Variants in GALNT9 observed in about 807,000 individuals in gnomAD.
GALNT9 encodes GalNAc transferase 9.
In GALNT9, 47 loss-of-function variants were observed where a neutral mutation model predicts 63.1. The ratio of observed to expected loss-of-function variants is 0.75; its 90% CI spans 0.59 to 0.95. GALNT9 has a LOEUF of 0.95. Among genes scored for constraint, GALNT9 ranks in the 40% least tolerant of loss-of-function variants. GALNT9 has a pLI of 0.00. For missense variants in GALNT9, 829 were observed against 874.8 expected (o/e 0.95, Z 0.66); for synonymous variants, 396 against 365.7 (o/e 1.08, Z -0.94).
intron 6 of GALNT9, among the ~76,000 whole-genome samples, chr12:132,204,026 C>T (rs377222678): frequency 4.4e-4 from 67 of 152,072 alleles, no homozygotes; most frequent in African/African-American, 1.4e-3. Flanking sequence ...TTGTTCTGTG[C>T]AGGGAACCCC....
rs1881060882 is a variant in GALNT9, at chr12:132,296,049, CCTCTGAACAGGGAGAGG to C, written c.239-9636_239-9620del. Among the ~76,000 whole-genome samples the C allele has an allele frequency of 1.4e-5, 2 of 144,128 alleles. No homozygotes were observed. The highest frequency in any genetic ancestry group is 3.0e-5 in the Non-Finnish European group (2 of 65,652). The allele number at this position is 144,128 out of a possible 152,430, so 94.6% of individuals were successfully genotyped here. A position where few individuals can be genotyped will look rare whatever the true frequency, so the allele number is the denominator to read the frequency against. On this transcript the variant is annotated intron_variant, in intron 1 of 10. Coordinates refer to ENST00000328957, the MANE Select transcript of GALNT9 (RefSeq NM_001122636.2). This position sits in a 1 kb window ranked among gnomAD's most constrained non-coding sequence, Gnocchi z 4.2. ...GGGAGAGCCTCCAGAACAGGGAGAG[CCTCTGAACAGGGAGAGG>C]CTCCGGAACAGGGAGAGCCTCCGAA...
At position 132,199,250 on chromosome 12, in the gene GALNT9, C is replaced by CT; in HGVS notation, c.1420dup (p.Ser474LysfsTer33). 1 of 1,604,704 alleles carries CT rather than the reference C, an allele frequency of 6.2e-7. No individual in the cohort carries two copies. The highest frequency in any genetic ancestry group is 8.5e-7 in the Non-Finnish European group (1 of 1,179,232). ...CGCTCCCTGGTCCAGACAGTAGGCA[C>CT]TGGCTTTGCTGTTTCTCACCTGCAA... On this transcript the variant is annotated frameshift_variant, in exon 9 of 11. Coordinates refer to ENST00000328957, the MANE Select transcript of GALNT9 (RefSeq NM_001122636.2). LOFTEE classifies it high-confidence loss of function.
At chr12:132,206,911 CAA>C (rs983426804) in intron 6 of GALNT9, among the ~76,000 whole-genome samples, 40 of 152,104 alleles carry the variant, frequency 2.6e-4, no homozygotes, top group African/African-American at 9.6e-4. Flanking sequence ...CAGAAAAAAA[CAA>C]AATTAGCCAG....
intron 1 of GALNT9, among the ~76,000 whole-genome samples, chr12:132,292,462 G>C (rs145204196): frequency 4.0e-4 from 61 of 152,330 alleles, no homozygotes; most frequent in Non-Finnish European, 7.6e-4. Flanking sequence ...TGCTGGGCCG[G>C]ACCCGAGTCT....
intron 6 of GALNT9, among the ~76,000 whole-genome samples, chr12:132,225,428 AC>A (rs1277371473): frequency 5.1e-5 from 7 of 137,900 alleles, no homozygotes; most frequent in Non-Finnish European, 1.1e-4. Context: ...CACTATATAC[AC>A]CCCCCACACA....
chr12:132,286,188 A>C lies in GALNT9; in HGVS notation c.419+62T>G. 1 of 1,389,936 alleles carries C rather than the reference A, an allele frequency of 7.2e-7. No individual in the cohort carries two copies. The highest frequency in any genetic ancestry group is 9.5e-7 in the Non-Finnish European group (1 of 1,056,824). The allele number at this position is 1,389,936 out of a possible 1,614,324, so 86.1% of individuals were successfully genotyped here. A position where few individuals can be genotyped will look rare whatever the true frequency, so the allele number is the denominator to read the frequency against. ...GTGGGGGGCAGTCACTTCCCTGGCC[A>C]GTGTGGGGGGCGGTCACTTCCTCGG... On this transcript the variant is annotated intron_variant, in intron 2 of 10. Coordinates refer to ENST00000328957, the MANE Select transcript of GALNT9 (RefSeq NM_001122636.2). The surrounding 1 kb of genome is among the most constrained non-coding windows in gnomAD (Gnocchi z 7.4).
At chr12:132,248,995 G>A (rs1422817532) in intron 5 of GALNT9, among the ~76,000 whole-genome samples, 1 of 152,192 alleles carries the variant, frequency 6.6e-6, no homozygotes, top group Non-Finnish European at 1.5e-5. Context: ...TGCCATTGTG[G>A]GCCACGCGAC....
intron 6 of GALNT9, among the ~76,000 whole-genome samples, chr12:132,207,575 C>T (rs770709754): frequency 2.0e-4 from 30 of 152,138 alleles, no homozygotes; most frequent in South Asian, 8.3e-4. Flanking sequence ...TCAGGTCTCT[C>T]GGCCCTCGGG....
chr12:132,257,974 G>A, intron 4 of GALNT9, 88 bp from the exon 5 acceptor site: 1 of 881,868 alleles, frequency 1.1e-6, no homozygotes, highest in Non-Finnish European at 1.7e-6. Flanking sequence ...GGGGAGGCCA[G>A]TCCCCACCTG....
At chr12:132,197,501 A>C (rs546983211) in intron 10 of GALNT9, among the ~76,000 whole-genome samples, 6 of 152,214 alleles carry the variant, frequency 3.9e-5, no homozygotes, top group African/African-American at 1.2e-4. Context: ...TCCCCTTCCT[A>C]AATCCTCCCT....
intron 1 of GALNT9, among the ~76,000 whole-genome samples, chr12:132,287,654 C>T (rs797026786): frequency 2.6e-5 from 4 of 152,122 alleles, no homozygotes; most frequent in South Asian, 4.1e-4. Flanking sequence ...ACGGGGACCC[C>T]GGGGTGGGGC....
chr12:132,286,161 G>A lies in GALNT9; in HGVS notation c.419+89C>T, dbSNP rs1160060352. 1.2e-5 allele frequency: 17 copies of A among 1,391,190 alleles called. No individual in the cohort carries two copies. The highest frequency in any genetic ancestry group is 1.1e-4 in the Admixed American group (4 of 37,268). 86.2% of individuals were successfully genotyped at this position (1,391,190 alleles called of 1,614,324 possible). A position where few individuals can be genotyped will look rare whatever the true frequency, so the allele number is the denominator to read the frequency against. On this transcript the variant is annotated intron_variant, in intron 2 of 10. Transcript: ENST00000328957. This position sits in a 1 kb window ranked among gnomAD's most constrained non-coding sequence, Gnocchi z 7.4. The stretch of plus-strand genomic sequence containing the variant: ...TGGGGGCCGCTCACTTCCCCGGCCG[G>A]CGTGGGGGGCAGTCACTTCCCTGGC...
At chr12:132,324,071 C>G (rs1868922445) in intron 1 of GALNT9, among the ~76,000 whole-genome samples, 1 of 152,246 alleles carries the variant, frequency 6.6e-6, no homozygotes, top group South Asian at 2.1e-4. Flanking sequence ...AAATAAAACT[C>G]ACAAATGAAT....
chr12:132,201,934 G>C (rs541318620), intron 7 of GALNT9, among the ~76,000 whole-genome samples: 1 of 151,858 alleles, frequency 6.6e-6, no homozygotes, highest in African/African-American at 2.4e-5. Flanking sequence ...ACTCTCTGAC[G>C]GACAGCCAGC....
intron 6 of GALNT9, among the ~76,000 whole-genome samples, chr12:132,237,467 G>T (rs1555236423): frequency 6.6e-6 from 1 of 151,892 alleles, no homozygotes; most frequent in Non-Finnish European, 1.5e-5. Context: ...GCTCACACCT[G>T]CCCATACCTG....
At chr12:132,250,049 C>T (rs1233971006) in intron 5 of GALNT9, among the ~76,000 whole-genome samples, 4 of 152,204 alleles carry the variant, frequency 2.6e-5, no homozygotes, top group Admixed American at 6.5e-5. Context: ...CCAGCAGCCA[C>T]GGAGGGACAG....
intron 5 of GALNT9, among the ~76,000 whole-genome samples, chr12:132,257,479 G>A (rs150435509): frequency 1.6e-5 from 2 of 127,130 alleles, no homozygotes; most frequent in East Asian, 2.3e-4. Context: ...CCACGCCCTC[G>A]TCCCCGGCCC....
chr12:132,201,213 G>C lies in GALNT9; in HGVS notation c.1312C>G (p.Gln438Glu). 1 of 1,613,346 alleles carries C rather than the reference G, an allele frequency of 6.2e-7. No individual in the cohort carries two copies. Among genetic ancestry groups the C allele is most frequent in the South Asian group, 1.1e-5 (1 of 90,994 alleles). ...GDVSERLALR[Q>E]RLKCRSFKWY... is the part of the protein sequence containing the mutation. ...TTGAAGCTGCGACACTTCAGCCTCTGACGCAGGGCCAGCCTCTCAGACACG... is the reference window on the plus strand; with the variant it reads ...TTGAAGCTGCGACACTTCAGCCTCTCACGCAGGGCCAGCCTCTCAGACACG... Residue 438 changes from glutamine to glutamate, a missense_variant, in exon 8 of 11, where the codon CAG becomes GAG. Transcript: ENST00000328957.
Position 132,197,224 on chromosome 12 carries a change from G to A in GALNT9, c.1695C>T (p.Gly565=). The A allele has an allele frequency of 1.2e-6, 2 of 1,613,316 alleles. No individual in the cohort carries two copies. Among genetic ancestry groups the A allele is most frequent in the Non-Finnish European group, 1.7e-6 (2 of 1,180,000 alleles). ...QSGPIVSRAT[G]RCLEVEMSKD... is the part of the protein sequence containing the mutation. ...TGGACATCTCCACCTCCAGGCAGCG[G>A]CCCGTGGCCCGGCTCACAATGGGGC... The change falls in exon 11 of 11, where the codon GGC becomes GGT. Residue 565 remains glycine (G), a synonymous_variant. Transcript: ENST00000328957.
Sources: allele counts gnomAD v4.1 joint callset (sites outside exome capture counted in the v4.1 genomes callset), GRCh38; gene constraint gnomAD v4.1.1; non-coding constraint Gnocchi (gnomAD v3.1); transcripts MANE v1.5; gene names NCBI Gene and HGNC (gene_info 2026-07-23, HGNC 2026-07-21).